TMC1: variants seen among roughly 807,000 people sequenced by gnomAD.
The protein encoded by TMC1 is transmembrane channel like 1.
A neutral mutation model predicts 105.8 loss-of-function variants in TMC1; 84 were observed. The ratio of observed to expected loss-of-function variants is 0.79; its 90% CI spans 0.67 to 0.95. TMC1 has a LOEUF of 0.95. Among genes scored for constraint, TMC1 ranks in the 40% least tolerant of loss-of-function variants. The pLI, the probability that TMC1 is intolerant of heterozygous loss-of-function variation, is 0.00. For synonymous variants in TMC1, 315 were observed against 311.5 expected, an observed-to-expected ratio of 1.01 and a Z score of -0.12; for missense variants, 817 against 914.1, an observed-to-expected ratio of 0.89 and a Z score of 1.37.
At chr9:72,678,199 A>G (rs976068326) in intron 5 of TMC1, among the ~76,000 whole-genome samples, 2 of 152,106 alleles carry the variant, frequency 1.3e-5, no homozygotes, top group African/African-American at 2.4e-5. Context: ...TATTGGTTGT[A>G]TGATTTTTGT....
rs1829124988 is a variant in TMC1 at position 72,836,216 on chromosome 9, G to GT, written c.*244dup. ...GCCACTCTCTCCCCTGCTCCATTTC[G>GT]TGACTTTTTTTTTTTTTTTAACAAA... is the stretch of plus-strand genomic sequence containing the variant. On this transcript the variant is annotated 3_prime_UTR_variant, in exon 24 of 24. Coordinates refer to ENST00000297784, the MANE Select transcript of TMC1 (RefSeq NM_138691.3). 1.9e-6 allele frequency: 1 copy of GT among 531,876 alleles called. No individual in the cohort carries two copies. The highest frequency in any genetic ancestry group is 2.0e-5 in the African/African-American group (1 of 51,268). 32.9% of individuals were successfully genotyped at this position (531,876 alleles called of 1,614,324 possible). A position where few individuals can be genotyped will look rare whatever the true frequency, so the allele number is the denominator to read the frequency against.
In TMC1 at chr9:72,700,643, A is replaced by G. The variant is rs368673178; in HGVS notation, c.362A>G (p.Lys121Arg). 6 of 1,592,538 alleles carry G rather than the reference A, an allele frequency of 3.8e-6. No individual in the cohort carries two copies. The East Asian group carries it at 9.1e-5, about 24-fold the overall frequency. The change falls in exon 8 of 24, where the codon AAG (lysine) becomes AGG (arginine). Residue 121 changes from lysine to arginine, a missense_variant and splice_region_variant. Coordinates refer to ENST00000297784, the MANE Select transcript of TMC1 (RefSeq NM_138691.3). ...ATGGAGAAGAAAATTGAAGTTCTCA[A>G]GTATGGTGCCACTTTTTATAAGTAG... ...WKMEKKIEVL[K>R]EAKKFVSENE...
In TMC1 at chr9:72,820,866, C is replaced by T. The variant is rs1290684098; in HGVS notation, c.1788C>T (p.Ser596=). 6.2e-7 allele frequency: 1 copy of T among 1,614,182 alleles called. No individual in the cohort carries two copies. The highest frequency in any genetic ancestry group is 2.2e-5 in the East Asian group (1 of 44,878). Residue 596 remains serine, a synonymous_variant, in exon 20 of 24, where the codon AGC becomes AGT. Transcript: ENST00000297784. ...MIWMGSFFAP[S]LPGINILRLH... ...GGATGGGCTCCTTCTTTGCTCCCAG[C>T]CTCCCAGGCATCAATATCCTTCGAC...
At chr9:72,741,715 G>A (rs147842631) in intron 9 of TMC1, 1 of 152,682 alleles carries the variant, frequency 6.5e-6, no homozygotes, top group Non-Finnish European at 1.5e-5. Flanking sequence ...AGACAATAGT[G>A]CCTGTCCAGC....
intron 8 of TMC1, among the ~76,000 whole-genome samples, chr9:72,723,532 C>G (rs1315864230): frequency 6.6e-6 from 1 of 152,134 alleles, no homozygotes; most frequent in African/African-American, 2.4e-5. Flanking sequence ...TGACAGTTTT[C>G]TGTCTCAGGA....
At chr9:72,545,418 A>C (rs1466151643) in intron 1 of TMC1, among the ~76,000 whole-genome samples, 1 of 152,142 alleles carries the variant, frequency 6.6e-6, no homozygotes, top group Non-Finnish European at 1.5e-5. Flanking sequence ...AACTTTGGCA[A>C]ACTGGTCAAT....
chr9:72,537,983 C>T (rs575281355), intron 1 of TMC1, among the ~76,000 whole-genome samples: 1 of 151,994 alleles, frequency 6.6e-6, no homozygotes, highest in East Asian at 1.9e-4. Context: ...TGATGAGACC[C>T]TGTCTTTCCA....
intron 18 of TMC1, among the ~76,000 whole-genome samples, chr9:72,815,723 T>C (rs536875493): frequency 3.9e-5 from 6 of 152,228 alleles, no homozygotes; most frequent in Non-Finnish European, 8.8e-5. Context: ...ACTTAGATGG[T>C]TTCATCATTG....
At chr9:72,719,340 AC>A (rs1401987641) in intron 8 of TMC1, among the ~76,000 whole-genome samples, 2 of 151,992 alleles carry the variant, frequency 1.3e-5, no homozygotes, top group Admixed American at 6.6e-5. Context: ...TTCTCTGGGG[AC>A]CCGGAGAACC....
intron 19 of TMC1, among the ~76,000 whole-genome samples, chr9:72,817,808 G>T (rs1022241054): frequency 6.6e-6 from 1 of 152,020 alleles, no homozygotes; most frequent in Non-Finnish European, 1.5e-5. Flanking sequence ...CAGTTCTCTC[G>T]TGGGCAGATC....
intron 9 of TMC1, chr9:72,741,478 C>A: frequency 6.8e-6 from 2 of 293,822 alleles, no homozygotes; most frequent in South Asian, 4.2e-5. Context: ...AGTTTCTTGC[C>A]AACAAAGATC....
At chr9:72,683,925 TTTTC>T (rs1196083180) in intron 5 of TMC1, among the ~76,000 whole-genome samples, 1 of 151,466 alleles carries the variant, frequency 6.6e-6, no homozygotes, top group African/African-American at 2.4e-5. Context: ...CTCTCATTCT[TTTTC>T]TTTCTTTTCT....
At chr9:72,781,714 G>T (rs1828096071) in intron 13 of TMC1, among the ~76,000 whole-genome samples, 1 of 152,104 alleles carries the variant, frequency 6.6e-6, no homozygotes, top group South Asian at 2.1e-4. Context: ...ACACTTAGAA[G>T]AAATGGATAA....
rs550923706 is a variant in TMC1, at chr9:72,521,877, T to G, written c.-464T>G. The G allele has an allele frequency of 1.3e-5, 2 of 152,320 alleles. No individual in the cohort carries two copies. Among genetic ancestry groups the G allele is most frequent in the South Asian group, 4.1e-4 (2 of 4,828 alleles). 9.4% of individuals were successfully genotyped at this position (152,320 alleles called of 1,614,324 possible). ...TCCAGGAGTTGCTGAAATTTAGGAATCATTGCCCCAAAAAGTGGCCCTCAT... is the reference window on the plus strand; with the variant it reads ...TCCAGGAGTTGCTGAAATTTAGGAAGCATTGCCCCAAAAAGTGGCCCTCAT... On this transcript the variant is annotated 5_prime_UTR_variant, in exon 1 of 24. Transcript: ENST00000297784.
rs181689107 is a variant in TMC1, at chr9:72,821,174, C to A, written c.2003+93C>A. On this transcript the variant is annotated intron_variant, in intron 20 of 23. Transcript: ENST00000297784. Reference sequence around the variant, plus strand: ...CATTGTATAAGCTATTTTTTCCCCCCAAACAATGACATTTTTGGTTGGTGG... The same window carrying A: ...CATTGTATAAGCTATTTTTTCCCCCAAAACAATGACATTTTTGGTTGGTGG... 2.4e-3 allele frequency: 3,814 copies of A among 1,575,568 alleles called. 10 individuals are homozygous for A. The highest frequency in any genetic ancestry group is 2.9e-3 in the Non-Finnish European group (3,373 of 1,149,628).
At chr9:72,829,050 C>G (rs1311141640) in intron 21 of TMC1, among the ~76,000 whole-genome samples, 1 of 152,142 alleles carries the variant, frequency 6.6e-6, no homozygotes, top group Admixed American at 6.5e-5. Flanking sequence ...TGGCCCCATG[C>G]AAATGTCAAA....
rs1272242031 is a variant in TMC1 at position 72,694,559 on chromosome 9, G to A, written c.81G>A (p.Glu27=). 6.2e-7 allele frequency: 1 copy of A among 1,612,522 alleles called. No homozygotes were observed. The highest frequency in any genetic ancestry group is 1.3e-5 in the African/African-American group (1 of 74,836). ...TEESSSEEEE[E]VEDKLPRRES... ...TATGTTTAGGTGAAGAGGAAGAGGA[G>A]GTGGAAGATAAGCTACCTCGAAGAG... Residue 27 remains glutamate (E), a synonymous_variant, in exon 7 of 24, where the codon GAG becomes GAA. Transcript: ENST00000297784.
chr9:72,757,546 A>G (rs1370150646), intron 12 of TMC1, among the ~76,000 whole-genome samples: 2 of 152,202 alleles, frequency 1.3e-5, no homozygotes, highest in Non-Finnish European at 2.9e-5. Context: ...ATAATGAGAT[A>G]TCTTGAAGAT....
chr9:72,625,180 G>A (rs1825323941), intron 3 of TMC1, among the ~76,000 whole-genome samples: 1 of 152,136 alleles, frequency 6.6e-6, no homozygotes, highest in South Asian at 2.1e-4. Context: ...GACCATGTTT[G>A]TTTCTCTGGA....
Sources: allele counts gnomAD v4.1 joint callset (sites outside exome capture counted in the v4.1 genomes callset), GRCh38; gene constraint gnomAD v4.1.1; transcripts MANE v1.5; gene names NCBI Gene and HGNC (gene_info 2026-07-23, HGNC 2026-07-21).